The following WDFY3 variants were observed in gnomAD, a reference collection of about 807,000 sequenced individuals.
WDFY3 encodes the protein WD repeat and FYVE domain-containing protein 3.
In WDFY3, 66 loss-of-function variants were observed where a neutral mutation model predicts 409.6. The ratio of observed to expected loss-of-function variants is 0.16; its 90% CI spans 0.13 to 0.20. The LOEUF (loss-of-function observed/expected upper bound fraction) is 0.20. WDFY3 is among the 10% of genes least tolerant of loss of function. WDFY3 has a pLI of 1.00. For synonymous variants in WDFY3, 1,521 were observed against 1,537.1 expected, an observed-to-expected ratio of 0.99 and a Z score of 0.25; for missense variants, 3,031 against 4,298.1, an observed-to-expected ratio of 0.71 and a Z score of 8.24.
intron 2 of WDFY3, among the ~76,000 whole-genome samples, chr4:84,913,950 A>T (rs183450245): frequency 6.2e-4 from 95 of 152,232 alleles, no homozygotes; most frequent in African/African-American, 2.2e-3. Flanking sequence ...GATGATGAGG[A>T]TGAAGACCTT....
intron 30 of WDFY3, among the ~76,000 whole-genome samples, chr4:84,768,140 T>C (rs2149403272): frequency 6.6e-6 from 1 of 152,274 alleles, no homozygotes; most frequent in South Asian, 2.1e-4. Flanking sequence ...AGAGGTTGGT[T>C]CATGAGGGTT....
chr4:84,862,162 A>G (rs1760730386), intron 3 of WDFY3, among the ~76,000 whole-genome samples: 3 of 152,256 alleles, frequency 2.0e-5, no homozygotes, highest in Admixed American at 6.5e-5. Context: ...AGTGAATTCC[A>G]TACTTGACTA....
chr4:84,742,190 C>G (rs1738551784), intron 37 of WDFY3, among the ~76,000 whole-genome samples: 1 of 152,138 alleles, frequency 6.6e-6, no homozygotes, highest in African/African-American at 2.4e-5. Flanking sequence ...ACAAGCAGTT[C>G]CTCAACATAA....
chr4:84,893,281 G>T (rs1765179286), intron 3 of WDFY3, among the ~76,000 whole-genome samples: 1 of 152,152 alleles, frequency 6.6e-6, no homozygotes, highest in Admixed American at 6.6e-5. Context: ...AGACTTTGTA[G>T]TCCCCTTGCT....
chr4:84,701,576 A>G (rs1218274266), intron 56 of WDFY3, among the ~76,000 whole-genome samples: 1 of 152,244 alleles, frequency 6.6e-6, no homozygotes, highest in African/African-American at 2.4e-5. Flanking sequence ...GAATATTCTC[A>G]CATGGAAACA....
At chr4:84,844,504 G>GT in intron 5 of WDFY3, 1 of 1,289,312 alleles carries the variant, frequency 7.8e-7, no homozygotes, top group South Asian at 1.2e-5. Context: ...AGGGCACACT[G>GT]TTTTTCTGTT....
intron 22 of WDFY3, 65 bp from the exon 23 acceptor site, chr4:84,787,778 A>G (rs1747810458): frequency 2.2e-6 from 3 of 1,351,066 alleles, no homozygotes; most frequent in Non-Finnish European, 3.1e-6. Context: ...TAACTACTTC[A>G]GCATATGTAT....
At chr4:84,737,432 T>C in intron 40 of WDFY3, 66 bp from the exon 41 acceptor site, 5 of 1,450,528 alleles carry the variant, frequency 3.4e-6, no homozygotes, top group Non-Finnish European at 4.5e-6. Flanking sequence ...ATAAAGTTAG[T>C]TTTTATTTTT....
chr4:84,809,717 A>T (rs1337780609), intron 14 of WDFY3, 170 bp downstream of exon 14: 1 of 585,034 alleles, frequency 1.7e-6, no homozygotes, highest in Non-Finnish European at 2.7e-6. Flanking sequence ...AAAAAAAAAA[A>T]CAATACCAGA....
At chr4:84,790,759 A>G (rs1748378415) in intron 21 of WDFY3, among the ~76,000 whole-genome samples, 1 of 152,216 alleles carries the variant, frequency 6.6e-6, no homozygotes, top group Non-Finnish European at 1.5e-5. Flanking sequence ...AGAACTCAAT[A>G]GTAAAGAAAC....
chr4:84,726,304 TTTTTATTAAA>T (rs1453423054), intron 45 of WDFY3, among the ~76,000 whole-genome samples: 2 of 152,180 alleles, frequency 1.3e-5, no homozygotes, highest in East Asian at 3.9e-4. Flanking sequence ...AAAACTACAT[TTTTTATTAAA>T]TTATGTACTT....
intron 17 of WDFY3, among the ~76,000 whole-genome samples, chr4:84,800,529 T>A (rs1460069285): frequency 6.6e-6 from 1 of 152,184 alleles, no homozygotes; most frequent in Non-Finnish European, 1.5e-5. Context: ...AAACTACTGA[T>A]ACATGTAACA....
chr4:84,725,645 T>C (rs1735530770), intron 45 of WDFY3, among the ~76,000 whole-genome samples: 1 of 152,158 alleles, frequency 6.6e-6, no homozygotes, highest in Admixed American at 6.6e-5. Flanking sequence ...CCCTTCTAAA[T>C]ATGACTTTAC....
Position 84,778,662 on chromosome 4 carries a change from G to C in WDFY3, c.4366-7C>G, listed in dbSNP as rs1387631163. 1.2e-5 allele frequency: 20 copies of C among 1,602,778 alleles called. No individual in the cohort carries two copies. The highest frequency in any genetic ancestry group is 1.6e-5 in the Non-Finnish European group (19 of 1,176,520). On this transcript the variant is annotated splice_polypyrimidine_tract_variant and splice_region_variant and intron_variant, in intron 26 of 67. Transcript: ENST00000295888. ...TAAGCAACATTGCCAGCAACTACAA[G>C]AAAGTAATACCAAATGCCTGTTGAT...
Position 84,713,215 on chromosome 4 carries a change from T to C in WDFY3, c.7986A>G (p.Leu2662=). 1 of 1,614,148 alleles carries C rather than the reference T, an allele frequency of 6.2e-7. No individual in the cohort carries two copies. Among genetic ancestry groups the C allele is most frequent in the African/African-American group, 1.3e-5 (1 of 75,048 alleles). ...YQRFLAVVPS[L]TDSSESVSGQ... ...CAGATACAGATTCTGAACTGTCCGTTAGAGATGGCACTACAGCCAAAAACC... is the reference window on the plus strand; with the variant it reads ...CAGATACAGATTCTGAACTGTCCGTCAGAGATGGCACTACAGCCAAAAACC... The change falls in exon 51 of 68, where the codon CTA becomes CTG. Residue 2662 remains leucine (L), a synonymous_variant. Transcript: ENST00000295888.
chr4:84,688,815 G>A (rs960519058), intron 61 of WDFY3, among the ~76,000 whole-genome samples: 9 of 152,170 alleles, frequency 5.9e-5, no homozygotes, highest in Non-Finnish European at 1.2e-4. Flanking sequence ...ACATGCTGAA[G>A]TCCTGCTGCC....
chr4:84,844,267 C>T (rs138629735), intron 5 of WDFY3, among the ~76,000 whole-genome samples: 1 of 152,212 alleles, frequency 6.6e-6, no homozygotes, highest in Non-Finnish European at 1.5e-5. Flanking sequence ...TTATGCTTCA[C>T]AATGATGGTG....
chr4:84,922,742 C>T (rs58365112), intron 2 of WDFY3, among the ~76,000 whole-genome samples: 1 of 152,204 alleles, frequency 6.6e-6, no homozygotes, highest in Non-Finnish European at 1.5e-5. Context: ...TCCCTGCAAC[C>T]TCAGCCTCTT....
chr4:84,709,433 G>T, intron 51 of WDFY3, 86 bp from the exon 52 acceptor site: 2 of 1,201,222 alleles, frequency 1.7e-6, no homozygotes, highest in African/African-American at 1.5e-5. Flanking sequence ...TAAGTCACCT[G>T]GTCCAGGAAT....
Sources: gnomAD v4.1 joint callset for allele counts (sites outside exome capture counted in the v4.1 genomes callset) on GRCh38, gnomAD v4.1.1 for gene constraint, MANE v1.5 for transcripts, NCBI Gene and HGNC (gene_info 2026-07-23, HGNC 2026-07-21) for gene names.